PRPSAP1: variants seen among roughly 807,000 people sequenced by gnomAD.
PRPSAP1 encodes phosphoribosyl pyrophosphate synthase-associated protein 1.
PRPSAP1 carries 31 observed loss-of-function variants against 39.4 expected under a neutral mutation model. The observed-to-expected ratio is 0.79, with a 90% CI of 0.59 to 1.06. PRPSAP1 has a LOEUF of 1.06. PRPSAP1 is among the 50% of genes least tolerant of loss of function. The pLI, the probability that PRPSAP1 is intolerant of heterozygous loss-of-function variation, is 0.00. For synonymous variants in PRPSAP1, 212 were observed against 192.6 expected, an observed-to-expected ratio of 1.10 and a Z score of -0.83; for missense variants, 430 against 511.6, an observed-to-expected ratio of 0.84 and a Z score of 1.54.
At chr17:76,334,582 T>C (rs366089) in intron 3 of PRPSAP1, among the ~76,000 whole-genome samples, 128,058 of 151,760 alleles carry the variant, frequency 0.84, 54,446 homozygotes, top group African/African-American at 0.94. Flanking sequence ...ATTTCACCCT[T>C]GTAATTTGGA....
intron 3 of PRPSAP1, among the ~76,000 whole-genome samples, chr17:76,336,823 G>A (rs1367690598): frequency 6.7e-6 from 1 of 149,664 alleles, no homozygotes; most frequent in Admixed American, 6.7e-5. Flanking sequence ...CCAGCCCAAC[G>A]CTAAAGAAAG....
At chr17:76,312,703 G>T in intron 9 of PRPSAP1, 167 bp downstream of exon 9, 1 of 787,024 alleles carries the variant, frequency 1.3e-6, no homozygotes, top group South Asian at 2.5e-5. Context: ...ATGGTAAGTC[G>T]TGGACTATCT....
intron 7 of PRPSAP1, among the ~76,000 whole-genome samples, chr17:76,325,454 A>AGACCC (rs1262913445): frequency 1.3e-5 from 2 of 149,586 alleles, no homozygotes; most frequent in African/African-American, 2.5e-5. Context: ...CCTGGGAAAC[A>AGACCC]GACCCCATCT....
intron 7 of PRPSAP1, among the ~76,000 whole-genome samples, chr17:76,321,511 T>A (rs2071198471): frequency 6.6e-6 from 1 of 150,582 alleles, no homozygotes; most frequent in Admixed American, 6.6e-5. Context: ...TGAAACTCTG[T>A]CACACACACA....
At chr17:76,345,790 A>T (rs986183103) in intron 2 of PRPSAP1, 2 of 318,048 alleles carry the variant, frequency 6.3e-6, no homozygotes, top group African/African-American at 5.0e-5. Context: ...GTGCACCGCC[A>T]CTGCATCCCG....
At chr17:76,311,959 T>A (rs1053154834) in intron 9 of PRPSAP1, among the ~76,000 whole-genome samples, 1 of 152,178 alleles carries the variant, frequency 6.6e-6, no homozygotes, top group African/African-American at 2.4e-5. Context: ...CCCAGTGCTA[T>A]GCAAAACTCT....
upstream of PRPSAP1, chr17:76,354,019 G>A (rs1055326261): frequency 2.6e-6 from 3 of 1,159,488 alleles, no homozygotes; most frequent in African/African-American, 3.2e-5. Flanking sequence ...CTAAAAGCCT[G>A]TTCTTCCGAG....
chr17:76,325,439 A>G (rs1330375124), intron 7 of PRPSAP1, among the ~76,000 whole-genome samples: 2 of 129,986 alleles, frequency 1.5e-5, no homozygotes, highest in Non-Finnish European at 3.2e-5. Context: ...AAAAAAAAAG[A>G]CCAACCTGGG....
chr17:76,320,808 G>T (rs568577585), intron 7 of PRPSAP1, among the ~76,000 whole-genome samples: 290 of 150,972 alleles, frequency 1.9e-3, no homozygotes, highest in African/African-American at 6.5e-3. Context: ...TAAAGACAGG[G>T]TCTTGCTCTA....
At chr17:76,340,351 T>C (rs1438978788) in intron 3 of PRPSAP1, among the ~76,000 whole-genome samples, 5 of 151,800 alleles carry the variant, frequency 3.3e-5, no homozygotes, top group Admixed American at 6.5e-5. Flanking sequence ...CAATTGGCTA[T>C]TAACTAAGTC....
At chr17:76,311,818 C>CT in intron 9 of PRPSAP1, 118 bp from the exon 10 acceptor site, 1 of 1,188,586 alleles carries the variant, frequency 8.4e-7, no homozygotes, top group Non-Finnish European at 1.2e-6. Context: ...ACTACAAAAC[C>CT]TTGTTCCACC....
intron 3 of PRPSAP1, among the ~76,000 whole-genome samples, chr17:76,338,388 A>T (rs2071400969): frequency 6.6e-6 from 1 of 152,166 alleles, no homozygotes; most frequent in African/African-American, 2.4e-5. Flanking sequence ...ATATTCCTTC[A>T]TCTATGTAAC....
At chr17:76,313,653 G>A in intron 8 of PRPSAP1, 168 bp downstream of exon 8, 1 of 657,688 alleles carries the variant, frequency 1.5e-6, no homozygotes, top group Non-Finnish European at 2.6e-6. Flanking sequence ...TTTAATGTAT[G>A]TTCACCTGGA....
intron 7 of PRPSAP1, among the ~76,000 whole-genome samples, chr17:76,315,699 G>GC (rs2071115077): frequency 1.0e-5 from 1 of 100,098 alleles, no homozygotes; most frequent in Non-Finnish European, 1.8e-5. Flanking sequence ...TGACCTATCC[G>GC]CTTTTTTTTT....
Position 76,313,022 on chromosome 17 carries a change from A to G in PRPSAP1, c.853-6T>C. The G allele has an allele frequency of 6.2e-7, 1 of 1,613,198 alleles. No homozygotes were observed. Among genetic ancestry groups the G allele is most frequent in the Non-Finnish European group, 8.5e-7 (1 of 1,179,764 alleles). ...ACATCGTCAATAATGTCATCCTGGG[A>G]GGAGAACAGAGTGAGTTGGTAGGAA... is the stretch of plus-strand genomic sequence containing the variant. On this transcript the variant is annotated splice_polypyrimidine_tract_variant and splice_region_variant and intron_variant, in intron 8 of 9. Coordinates refer to ENST00000446526, the MANE Select transcript of PRPSAP1 (RefSeq NM_002766.3).
chr17:76,326,598 T>C (rs996185677), intron 7 of PRPSAP1, among the ~76,000 whole-genome samples: 1 of 152,224 alleles, frequency 6.6e-6, no homozygotes, highest in Non-Finnish European at 1.5e-5. Context: ...TTGATCGCAC[T>C]GTTCAAAAGT....
At position 76,353,744 on chromosome 17, in the gene PRPSAP1, G is replaced by C; in HGVS notation, c.-41C>G. On this transcript the variant is annotated 5_prime_UTR_variant, in exon 1 of 10. Transcript: ENST00000446526. The stretch of plus-strand genomic sequence containing the variant: ...GCGGTTACGACCGGCCCCGCGCGGG[G>C]CTGCACTCTGAGTGCTTCCGACTGC... The C allele has an allele frequency of 7.1e-7, 1 of 1,416,780 alleles. No individual in the cohort carries two copies. Among genetic ancestry groups the C allele is most frequent in the South Asian group, 1.5e-5 (1 of 65,134 alleles). 87.8% of individuals were successfully genotyped at this position (1,416,780 alleles called of 1,614,324 possible).
Position 76,324,993 on chromosome 17 carries a change from G to A in PRPSAP1, c.781+3724C>T, listed in dbSNP as rs542140977. ...TGCGGCAGGAGAATGGTGTGAACCT[G>A]GGGGGTGGAGCTTGCAGTGAACTGG... On this transcript the variant is annotated intron_variant, in intron 7 of 9. Transcript: ENST00000446526. Among the ~76,000 whole-genome samples, 53 of 151,410 alleles carry A rather than the reference G, an allele frequency of 3.5e-4. 1 individual carries two copies. The South Asian group carries it at 0.01, about 30-fold the overall frequency.
chr17:76,340,363 T>C (rs1023254595), intron 3 of PRPSAP1, among the ~76,000 whole-genome samples: 1 of 151,700 alleles, frequency 6.6e-6, no homozygotes, highest in African/African-American at 2.4e-5. Flanking sequence ...AACTAAGTCA[T>C]TTCTTCATGC....
Sources: gnomAD v4.1 joint callset for allele counts (sites outside exome capture counted in the v4.1 genomes callset) on GRCh38, gnomAD v4.1.1 for gene constraint, MANE v1.5 for transcripts, NCBI Gene and HGNC (gene_info 2026-07-23, HGNC 2026-07-21) for gene names.